Variants in PDGFRB observed in about 807,000 individuals in gnomAD.
PDGFRB encodes platelet-derived growth factor receptor beta.
PDGFRB carries 42 observed loss-of-function variants against 120.2 expected under a neutral mutation model. The ratio of observed to expected loss-of-function variants is 0.35; its 90% CI spans 0.27 to 0.45. The LOEUF (loss-of-function observed/expected upper bound fraction) is 0.45. Ranked by LOEUF, PDGFRB falls within the 20% of genes least tolerant of loss-of-function variation. The pLI, the probability that PDGFRB is intolerant of heterozygous loss-of-function variation, is 1.00. For missense variants in PDGFRB, 1,149 were observed against 1,476.3 expected (o/e 0.78, Z 3.63); for synonymous variants, 586 against 606.8 (o/e 0.97, Z 0.50).
chr5:150,135,518 G>C, intron 3 of PDGFRB, 37 bp downstream of exon 3: 1 of 1,311,390 alleles, frequency 7.6e-7, no homozygotes, highest in Non-Finnish European at 1.1e-6. Flanking sequence ...GTTGACAAGA[G>C]GGGTAAGGAG....
At chr5:150,143,749 G>A (rs1580818017) in intron 1 of PDGFRB, among the ~76,000 whole-genome samples, 1 of 152,104 alleles carries the variant, frequency 6.6e-6, no homozygotes, top group African/African-American at 2.4e-5. Context: ...ACAGTTACAG[G>A]TGGAGGGGAG....
intron 22 of PDGFRB, 40 bp downstream of exon 22, chr5:150,117,578 A>T (rs776197749): frequency 1.9e-6 from 2 of 1,071,276 alleles, no homozygotes; most frequent in Middle Eastern, 2.5e-4. Context: ...ACACACACAC[A>T]CTGTGCACAA....
Position 150,130,791 on chromosome 5 carries a change from A to C in PDGFRB, c.1244-129T>G. 3 of 765,530 alleles carry C rather than the reference A, an allele frequency of 3.9e-6. No homozygotes were observed. In the South Asian group the frequency reaches 4.6e-5, roughly 12 times the overall value. 47.4% of individuals were successfully genotyped at this position (765,530 alleles called of 1,614,324 possible). A position where few individuals can be genotyped will look rare whatever the true frequency, so the allele number is the denominator to read the frequency against. The stretch of plus-strand genomic sequence containing the variant: ...GGCTGTAGACTGCAGGTGAACATTA[A>C]ATACCAGGAATCAGTGTGAAAACCG... On this transcript the variant is annotated intron_variant, in intron 8 of 22. Transcript: ENST00000261799.
chr5:150,133,489 A>G (rs1580808716), intron 6 of PDGFRB, 97 bp downstream of exon 6: 1 of 1,042,446 alleles, frequency 9.6e-7, no homozygotes. Context: ...CACTGTATCA[A>G]AAATGCAACT....
chr5:150,145,042 A>G (rs551467740), intron 1 of PDGFRB, among the ~76,000 whole-genome samples: 3 of 152,036 alleles, frequency 2.0e-5, no homozygotes, highest in African/African-American at 2.4e-5. Context: ...TGAAACATCC[A>G]CCTCCTTCCC....
Position 150,121,102 on chromosome 5 carries a change from C to T in PDGFRB, c.2464-92G>A, listed in dbSNP as rs1760117668. The T allele has an allele frequency of 6.8e-7, 1 of 1,479,694 alleles. No individual in the cohort carries two copies. The highest frequency in any genetic ancestry group is 1.1e-5 in the South Asian group (1 of 88,324). 91.7% of individuals were successfully genotyped at this position (1,479,694 alleles called of 1,614,324 possible). On this transcript the variant is annotated intron_variant, in intron 17 of 22. Transcript: ENST00000261799. The surrounding 1 kb of genome is among the most constrained non-coding windows in gnomAD (Gnocchi z 4.1). ...GGCTTTGGGAAAATACAACACTGCC[C>T]ATGTGCGAGAGGCCACCCTGGTGTG...
intron 13 of PDGFRB, 27 bp from the exon 14 acceptor site, chr5:150,124,387 G>A (rs1760234484): frequency 6.4e-7 from 1 of 1,550,918 alleles, no homozygotes; most frequent in Middle Eastern, 1.7e-4. Context: ...CCCCAGGCCA[G>A]GCCCAGTCAT....
rs148218530 is a variant in PDGFRB at position 150,134,781 on chromosome 5, A to G, written c.600T>C (p.Asp200=). ...CKTTIGDREV[D]SDAYYVYRLQ... is the part of the protein sequence containing the mutation. ...GTCTGTAGACATAGTAGGCATCAGA[A>G]TCCACCTCCCTGTCCCCAATGGTGG... Residue 200 remains aspartate, a synonymous_variant, in exon 4 of 23, where the codon GAT becomes GAC. Transcript: ENST00000261799. 2 of 1,613,974 alleles carry G rather than the reference A, an allele frequency of 1.2e-6. No individual in the cohort carries two copies. Among genetic ancestry groups the G allele is most frequent in the Non-Finnish European group, 1.7e-6 (2 of 1,179,874 alleles).
At chr5:150,131,030 C>T (rs1760451030) in intron 8 of PDGFRB, among the ~76,000 whole-genome samples, 1 of 152,168 alleles carries the variant, frequency 6.6e-6, no homozygotes, top group Non-Finnish European at 1.5e-5. Flanking sequence ...ATATTTATGA[C>T]ATGTGATGCC....
At chr5:150,150,911 A>C (rs58134510) in intron 1 of PDGFRB, among the ~76,000 whole-genome samples, 368 of 152,220 alleles carry the variant, frequency 2.4e-3, no homozygotes, top group African/African-American at 8.7e-3. Context: ...GCATCCACAC[A>C]CAGCCCCTAG....
At chr5:150,146,142 G>C (rs1194958016) in intron 1 of PDGFRB, among the ~76,000 whole-genome samples, 1 of 150,082 alleles carries the variant, frequency 6.7e-6, no homozygotes, top group Non-Finnish European at 1.5e-5. Flanking sequence ...TTCATTCTTA[G>C]CCAGCTTAGA....
chr5:150,129,654 G>T, intron 10 of PDGFRB, 103 bp downstream of exon 10: 1 of 907,486 alleles, frequency 1.1e-6, no homozygotes, highest in Non-Finnish European at 1.7e-6. Flanking sequence ...CCCTGGGCAT[G>T]CTAACTCCTT....
rs144234864 is a variant in PDGFRB, at chr5:150,120,055, G to A, written c.2655C>T (p.Asp885=). ...AGAGCAGGATCCCGAAGGACCACACGTCGCTCAGGGTGGTGTAGAGGCTGT... is the reference window on the plus strand; with the variant it reads ...AGAGCAGGATCCCGAAGGACCACACATCGCTCAGGGTGGTGTAGAGGCTGT... The part of the protein sequence containing the change: ...IFNSLYTTLS[D]VWSFGILLWE... The change falls in exon 19 of 23, where the codon GAC becomes GAT. Residue 885 remains aspartate (D), a synonymous_variant. Coordinates refer to ENST00000261799, the MANE Select transcript of PDGFRB (RefSeq NM_002609.4). The surrounding 1 kb of genome is among the most constrained non-coding windows in gnomAD (Gnocchi z 4.3). 3.6e-4 allele frequency: 575 copies of A among 1,606,924 alleles called. No homozygotes were observed. Among genetic ancestry groups the A allele is most frequent in the Non-Finnish European group, 1.7e-4 (201 of 1,173,416 alleles).
intron 1 of PDGFRB, chr5:150,153,316 A>T (rs1761130989): frequency 6.6e-6 from 1 of 152,322 alleles, no homozygotes; most frequent in Admixed American, 6.5e-5. Context: ...GGGCCCGGGC[A>T]GACCTTGGAG....
rs7726051 is a variant in PDGFRB, at chr5:150,115,038, C to G, written c.*725G>C. 0.026 allele frequency: 5,975 copies of G among 233,144 alleles called. 380 individuals are homozygous for G. Among genetic ancestry groups the G allele is most frequent in the African/African-American group, 0.12 (5,632 of 45,410 alleles). 14.4% of individuals were successfully genotyped at this position (233,144 alleles called of 1,614,324 possible). A position where few individuals can be genotyped will look rare whatever the true frequency, so the allele number is the denominator to read the frequency against. On this transcript the variant is annotated 3_prime_UTR_variant, in exon 23 of 23. Coordinates refer to ENST00000261799, the MANE Select transcript of PDGFRB (RefSeq NM_002609.4). ...AGAAAAAGCCCCAGGACTGATGGGC[C>G]TGAAGGACAGGGACACAGGCACTTG...
chr5:150,155,606 G>A lies in PDGFRB; in HGVS notation c.-216C>T. The A allele has an allele frequency of 5.0e-6, 2 of 398,912 alleles. No individual in the cohort carries two copies. Among genetic ancestry groups the A allele is most frequent in the Admixed American group, 4.4e-5 (1 of 22,740 alleles). The allele number at this position is 398,912 out of a possible 1,614,324, so 24.7% of individuals were successfully genotyped here. A position where few individuals can be genotyped will look rare whatever the true frequency, so the allele number is the denominator to read the frequency against. On this transcript the variant is annotated 5_prime_UTR_variant, in exon 1 of 23. Transcript: ENST00000261799. Reference sequence around the variant, plus strand: ...GATGGAGGAAGGGGGCTGCTGTAGGGGAGAGGAGCGGCCCAGCTTCGCCTC... The same window carrying A: ...GATGGAGGAAGGGGGCTGCTGTAGGAGAGAGGAGCGGCCCAGCTTCGCCTC...
chr5:150,124,128 G>C, intron 14 of PDGFRB, 122 bp downstream of exon 14: 1 of 581,774 alleles, frequency 1.7e-6, no homozygotes, highest in East Asian at 3.0e-5. Context: ...GCGCTGGAGC[G>C]GGTGGGCACG....
At chr5:150,116,035 C>A (rs1296301672) in intron 22 of PDGFRB, 89 bp from the exon 23 acceptor site, 2 of 1,154,752 alleles carry the variant, frequency 1.7e-6, no homozygotes, top group African/African-American at 3.2e-5. Context: ...TGTGTCCACC[C>A]CTGCACCGTA....
Position 150,115,188 on chromosome 5 carries a change from C to A in PDGFRB, c.*575G>T, listed in dbSNP as rs1029157384. On this transcript the variant is annotated 3_prime_UTR_variant, in exon 23 of 23. Transcript: ENST00000261799. Reference sequence around the variant, plus strand: ...CCCCAGACCAGCTCGGGCCAGGGAACGCAGGGACTGGCATCATAGGGAGGA... The same window carrying A: ...CCCCAGACCAGCTCGGGCCAGGGAAAGCAGGGACTGGCATCATAGGGAGGA... The A allele has an allele frequency of 9.4e-5, 22 of 232,946 alleles. No individual in the cohort carries two copies. In the East Asian group the frequency reaches 1.3e-3, roughly 14 times the overall value. The allele number at this position is 232,946 out of a possible 1,614,324, so 14.4% of individuals were successfully genotyped here. A position where few individuals can be genotyped will look rare whatever the true frequency, so the allele number is the denominator to read the frequency against.
Sources: gnomAD v4.1 joint callset for allele counts (sites outside exome capture counted in the v4.1 genomes callset) on GRCh38, gnomAD v4.1.1 for gene constraint, Gnocchi (gnomAD v3.1) non-coding constraint, MANE v1.5 for transcripts, NCBI Gene and HGNC (gene_info 2026-07-23, HGNC 2026-07-21) for gene names.